KPNA5: variants seen among roughly 807,000 people sequenced by gnomAD.
KPNA5 encodes importin subunit alpha-6.
A neutral mutation model predicts 71.3 loss-of-function variants in KPNA5; 46 were observed. The observed-to-expected ratio is 0.65, with a 90% CI of 0.51 to 0.83. The LOEUF (loss-of-function observed/expected upper bound fraction) is 0.83. KPNA5 is among the 40% of genes least tolerant of loss of function. KPNA5 has a pLI of 0.00. For synonymous variants in KPNA5, 207 were observed against 201.4 expected (o/e 1.03, Z -0.24); for missense variants, 547 against 628.3 (o/e 0.87, Z 1.38).
chr6:116,716,251 C>G lies in KPNA5; in HGVS notation c.689C>G (p.Thr230Arg), dbSNP rs765167818. 1 of 1,613,296 alleles carries G rather than the reference C, an allele frequency of 6.2e-7. No homozygotes were observed. Among genetic ancestry groups the G allele is most frequent in the Non-Finnish European group, 8.5e-7 (1 of 1,179,746 alleles). The change falls in exon 8 of 14, where the codon ACA becomes AGA. Residue 230 changes from threonine to arginine, a missense_variant. Thr to Arg is a moderately conservative substitution (Grantham distance 71). Transcript: ENST00000368564. ...LLTNSNRLTT[T>R]RNAVWALSNL... ...ACAAATTCAAACAGACTCACAACAA[C>G]AAGAAATGCCGTGTGGGCCCTCTCA...
chr6:116,718,914 C>T (rs1779006107), intron 8 of KPNA5, among the ~76,000 whole-genome samples: 1 of 150,800 alleles, frequency 6.6e-6, no homozygotes, highest in South Asian at 2.1e-4. Flanking sequence ...ATTACAGACA[C>T]CTGCCACCAT....
rs1413994865 is a variant in KPNA5 at position 116,736,559 on chromosome 6, T to C, written c.*4236T>C. The C allele has an allele frequency of 2.0e-5, 3 of 152,112 alleles. No individual in the cohort carries two copies. In the South Asian group the frequency reaches 6.2e-4, roughly 31 times the overall value. The allele number at this position is 152,112 out of a possible 1,614,324, so 9.4% of individuals were successfully genotyped here. On this transcript the variant is annotated 3_prime_UTR_variant, in exon 14 of 14. Transcript: ENST00000368564. ...TAAATCACGTGAGAGTAACACAAAG[T>C]TTTAAATGCATATTTTACACCCCAA...
chr6:116,696,952 G>A (rs1583411745), intron 4 of KPNA5, among the ~76,000 whole-genome samples: 1 of 151,536 alleles, frequency 6.6e-6, no homozygotes, highest in Non-Finnish European at 1.5e-5. Context: ...GTGTGTGGGG[G>A]GGTATATATC....
chr6:116,732,339 A>G lies in KPNA5; in HGVS notation c.*16A>G. On this transcript the variant is annotated 3_prime_UTR_variant, in exon 14 of 14. Transcript: ENST00000368564. ...TCAACTTTAACTTACTGGAGGAAAA[A>G]AAATTTATGGCTAAAAAGGGTAGCT... 1 of 1,449,910 alleles carries G rather than the reference A, an allele frequency of 6.9e-7. No homozygotes were observed. Among genetic ancestry groups the G allele is most frequent in the Non-Finnish European group, 9.2e-7 (1 of 1,088,896 alleles). The allele number at this position is 1,449,910 out of a possible 1,614,324, so 89.8% of individuals were successfully genotyped here.
chr6:116,704,953 C>G, intron 6 of KPNA5, 119 bp from the exon 7 acceptor site: 1 of 617,228 alleles, frequency 1.6e-6, no homozygotes, highest in Non-Finnish European at 2.7e-6. Flanking sequence ...TTCTTTTCTA[C>G]TGTTTTTTTT....
In KPNA5 at chr6:116,716,305, C is replaced by CA. The variant is rs1778884102; in HGVS notation, c.746dup (p.Asn249LysfsTer3). The CA allele has an allele frequency of 6.2e-7, 1 of 1,607,626 alleles. No homozygotes were observed. The highest frequency in any genetic ancestry group is 8.5e-7 in the Non-Finnish European group (1 of 1,174,686). ...TTATGTAGAGGCAAAAACCCTCCTC[C>CA]AAACTTTAGTAAGGTATGAGTAAAA... On this transcript the variant is annotated frameshift_variant, in exon 8 of 14. Coordinates refer to ENST00000368564, the MANE Select transcript of KPNA5 (RefSeq NM_001366306.2). LOFTEE classifies it high-confidence loss of function.
At chr6:116,707,851 G>A (rs2027221) in intron 7 of KPNA5, among the ~76,000 whole-genome samples, 39,240 of 151,962 alleles carry the variant, frequency 0.26, 5,460 homozygotes, top group African/African-American at 0.36. Context: ...AACTATCACT[G>A]CTATCTAGTT....
chr6:116,700,078 A>G (rs897188862), intron 5 of KPNA5, among the ~76,000 whole-genome samples: 4 of 152,200 alleles, frequency 2.6e-5, no homozygotes, highest in Admixed American at 6.5e-5. Flanking sequence ...TCACAAAGGT[A>G]GTGTTGCAGG....
intron 11 of KPNA5, 89 bp downstream of exon 11, chr6:116,725,965 T>A: frequency 7.0e-7 from 1 of 1,438,744 alleles, no homozygotes; most frequent in Non-Finnish European, 9.4e-7. Flanking sequence ...AAAAGATTCC[T>A]TTTTAAAAAG....
At chr6:116,705,224 A>T in intron 7 of KPNA5, 64 bp downstream of exon 7, 3 of 1,224,466 alleles carry the variant, frequency 2.5e-6, no homozygotes, top group Non-Finnish European at 3.5e-6. Context: ...TTCTACATAC[A>T]TAATTAAGTT....
At chr6:116,721,398 C>A (rs1779100886) in intron 8 of KPNA5, among the ~76,000 whole-genome samples, 1 of 151,952 alleles carries the variant, frequency 6.6e-6, no homozygotes, top group Non-Finnish European at 1.5e-5. Context: ...AGTTATCTAC[C>A]CGCCTCGGCC....
At chr6:116,683,559 T>C (rs1777443408) in intron 1 of KPNA5, among the ~76,000 whole-genome samples, 2 of 152,140 alleles carry the variant, frequency 1.3e-5, no homozygotes, top group African/African-American at 4.8e-5. Context: ...AGTAAAGTTA[T>C]GTTGAGCGGT....
At chr6:116,726,415 C>T (rs1779288659) in intron 11 of KPNA5, 80 bp from the exon 12 acceptor site, 2 of 1,114,896 alleles carry the variant, frequency 1.8e-6, no homozygotes, top group Non-Finnish European at 1.3e-6. Flanking sequence ...ATTTTGAAGC[C>T]ATTGAGTTTC....
At chr6:116,719,840 G>A (rs779147464) in intron 8 of KPNA5, among the ~76,000 whole-genome samples, 3 of 150,518 alleles carry the variant, frequency 2.0e-5, no homozygotes, top group Non-Finnish European at 4.4e-5. Context: ...AACAGAGCAA[G>A]ACCCTGTCTC....
chr6:116,691,575 TCCTG>T (rs1320362663), intron 2 of KPNA5, among the ~76,000 whole-genome samples: 2 of 152,228 alleles, frequency 1.3e-5, no homozygotes, highest in Non-Finnish European at 2.9e-5. Context: ...TTTTATCTGC[TCCTG>T]AATTAATAAG....
At chr6:116,711,536 A>G (rs1305052843) in intron 7 of KPNA5, among the ~76,000 whole-genome samples, 3 of 105,954 alleles carry the variant, frequency 2.8e-5, no homozygotes, top group African/African-American at 1.4e-4. Flanking sequence ...TATTTTCTGC[A>G]TATGTGTGTG....
chr6:116,731,377 C>A (rs1490579200), intron 13 of KPNA5, among the ~76,000 whole-genome samples: 1 of 152,126 alleles, frequency 6.6e-6, no homozygotes, highest in Non-Finnish European at 1.5e-5. Context: ...ATTATTTTGA[C>A]CCCGAGTCAG....
Position 116,737,778 on chromosome 6 carries a change from A to C in KPNA5, c.*5455A>C, listed in dbSNP as rs187510324. 1 of 152,010 alleles carries C rather than the reference A, an allele frequency of 6.6e-6. No homozygotes were observed. The highest frequency in any genetic ancestry group is 6.6e-5 in the Admixed American group (1 of 15,222). The allele number at this position is 152,010 out of a possible 1,614,324, so 9.4% of individuals were successfully genotyped here. A position where few individuals can be genotyped will look rare whatever the true frequency, so the allele number is the denominator to read the frequency against. On this transcript the variant is annotated 3_prime_UTR_variant, in exon 14 of 14. Coordinates refer to ENST00000368564, the MANE Select transcript of KPNA5 (RefSeq NM_001366306.2). ...AAATCTCTGTTTAATGTGGGCTTTG[A>C]TCATTTTTCATATTGTTTTCTTGGT...
chr6:116,729,825 T>C, intron 13 of KPNA5, 84 bp downstream of exon 13: 1 of 879,116 alleles, frequency 1.1e-6, no homozygotes, highest in Non-Finnish European at 1.6e-6. Flanking sequence ...ACAATTTTTT[T>C]GTTGTAAAAG....
Sources: allele counts gnomAD v4.1 joint callset (sites outside exome capture counted in the v4.1 genomes callset), GRCh38; gene constraint gnomAD v4.1.1; transcripts MANE v1.5; gene names NCBI Gene and HGNC (gene_info 2026-07-23, HGNC 2026-07-21).